Variants in VPS13A observed in about 807,000 individuals in gnomAD.
VPS13A encodes vacuolar protein sorting 13 homolog A.
A neutral mutation model predicts 390.9 loss-of-function variants in VPS13A; 264 were observed. The observed-to-expected ratio is 0.68, with a 90% CI of 0.61 to 0.75. VPS13A has a LOEUF of 0.75. VPS13A is among the 30% of genes least tolerant of loss of function. VPS13A has a pLI of 0.00. For missense variants in VPS13A, 3,409 were observed against 3,733.9 expected, an observed-to-expected ratio of 0.91 and a Z score of 2.27; for synonymous variants, 1,231 against 1,227.1, an observed-to-expected ratio of 1.00 and a Z score of -0.07.
At chr9:77,379,942 G>A (rs974352171) in intron 67 of VPS13A, among the ~76,000 whole-genome samples, 5 of 152,024 alleles carry the variant, frequency 3.3e-5, no homozygotes, top group Non-Finnish European at 7.4e-5. Context: ...TTTGAAAGTA[G>A]GTTGCTGAAA....
chr9:77,356,260 A>G (rs1450830061), intron 54 of VPS13A, among the ~76,000 whole-genome samples: 1 of 151,992 alleles, frequency 6.6e-6, no homozygotes, highest in African/African-American at 2.4e-5. Context: ...TAATTCTCTC[A>G]GCTCATTTAA....
At chr9:77,352,499 A>T (rs1420973217) in intron 53 of VPS13A, among the ~76,000 whole-genome samples, 1 of 152,138 alleles carries the variant, frequency 6.6e-6, no homozygotes, top group African/African-American at 2.4e-5. Flanking sequence ...TATTAGATTT[A>T]TTCAGGAAAA....
chr9:77,199,085 C>T (rs777619684), intron 1 of VPS13A, among the ~76,000 whole-genome samples: 3 of 152,164 alleles, frequency 2.0e-5, no homozygotes, highest in Non-Finnish European at 4.4e-5. Flanking sequence ...TAATTACTTT[C>T]TATGTGTCTT....
At chr9:77,344,737 C>A (rs930338884) in intron 51 of VPS13A, among the ~76,000 whole-genome samples, 4 of 149,342 alleles carry the variant, frequency 2.7e-5, no homozygotes, top group African/African-American at 9.9e-5. Context: ...CCAGCCTAGG[C>A]GACAGAGCAA....
In VPS13A at chr9:77,403,793, C is replaced by G. The variant is rs1013932983; in HGVS notation, c.9275+472C>G. On this transcript the variant is annotated intron_variant, in intron 69 of 71. Transcript: ENST00000360280. ...CAGTGGAGGGGTACATGTAAAAATA[C>G]ACAGGGGCATAGCCTCAGAGGGGCA... Among the ~76,000 whole-genome samples, 7 of 152,158 alleles carry G rather than the reference C, an allele frequency of 4.6e-5. No homozygotes were observed. The East Asian group carries it at 1.3e-3, about 29-fold the overall frequency.
At chr9:77,352,791 G>GT (rs1831542835) in intron 53 of VPS13A, among the ~76,000 whole-genome samples, 1 of 151,928 alleles carries the variant, frequency 6.6e-6, no homozygotes, top group Non-Finnish European at 1.5e-5. Flanking sequence ...ATATTGCAAC[G>GT]TGAAGGTATA....
At chr9:77,228,397 G>GTTT in intron 17 of VPS13A, 133 bp downstream of exon 17, 1 of 764,780 alleles carries the variant, frequency 1.3e-6, no homozygotes, top group Non-Finnish European at 1.9e-6. Flanking sequence ...CAGGAAAAAG[G>GTTT]TTTTTTTTTT....
At chr9:77,359,194 T>C in intron 57 of VPS13A, 139 bp from the exon 58 acceptor site, 1 of 710,562 alleles carries the variant, frequency 1.4e-6, no homozygotes, top group Non-Finnish European at 2.5e-6. Flanking sequence ...TTGTAGTAGA[T>C]TTTGCCAATA....
intron 23 of VPS13A, among the ~76,000 whole-genome samples, chr9:77,267,411 A>G (rs560186407): frequency 6.6e-6 from 1 of 152,170 alleles, no homozygotes; most frequent in African/African-American, 2.4e-5. Flanking sequence ...TTTCCTTCTA[A>G]CAGTCAGACC....
In VPS13A at chr9:77,221,320, TAAG is replaced by T. The variant is rs768231566; in HGVS notation, c.1129_1131del (p.Lys377del). 1.2e-6 allele frequency: 2 copies of T among 1,613,218 alleles called. No homozygotes were observed. The highest frequency in any genetic ancestry group is 3.3e-5 in the Admixed American group (2 of 59,950). On this transcript the variant is annotated inframe_deletion, in exon 13 of 72. Transcript: ENST00000360280. ...AACTGTATAAAAAAAAGTTAACAAGTAAGAAGCCACCTGGTGAACTTCTCGTGT... is the reference window on the plus strand; with the variant it reads ...AACTGTATAAAAAAAAGTTAACAAGTAAGCCACCTGGTGAACTTCTCGTGT...
rs1051131775 is a variant in VPS13A at position 77,418,478 on chromosome 9, A to G, written c.*2472A>G. 1 of 152,210 alleles carries G rather than the reference A, an allele frequency of 6.6e-6. No individual in the cohort carries two copies. Among genetic ancestry groups the G allele is most frequent in the East Asian group, 1.9e-4 (1 of 5,204 alleles). The allele number at this position is 152,210 out of a possible 1,614,324, so 9.4% of individuals were successfully genotyped here. A position where few individuals can be genotyped will look rare whatever the true frequency, so the allele number is the denominator to read the frequency against. ...CAAAAGCAGCTTGTGATTTCTTCAC[A>G]TTTGCAAAATACTCTCTGAGCCAAA... On this transcript the variant is annotated 3_prime_UTR_variant, in exon 72 of 72. Coordinates refer to ENST00000360280, the MANE Select transcript of VPS13A (RefSeq NM_033305.3).
At chr9:77,309,957 A>T (rs1828976910) in intron 35 of VPS13A, among the ~76,000 whole-genome samples, 1 of 152,154 alleles carries the variant, frequency 6.6e-6, no homozygotes, top group Admixed American at 6.5e-5. Flanking sequence ...ATTTATCATC[A>T]ATAAAACATG....
At position 77,250,125 on chromosome 9, in the gene VPS13A, C is replaced by T. The variant is rs752693440; in HGVS notation, c.2066C>T (p.Pro689Leu). 5 of 1,613,514 alleles carry T rather than the reference C, an allele frequency of 3.1e-6. No homozygotes were observed. The highest frequency in any genetic ancestry group is 1.1e-5 in the South Asian group (1 of 91,056). ...KVTSKSRSEL[P>L]DVKQGEANLK... ...ACGAGTAAAAGTCGTTCTGAATTAC[C>T]AGATGTGAAACAAGGTGAGGCCAAT... Residue 689 changes from proline to leucine, a missense_variant, in exon 21 of 72, where the codon CCA (proline) becomes CTA (leucine). Transcript: ENST00000360280.
At chr9:77,297,954 AAGT>A (rs1450131154) in intron 33 of VPS13A, among the ~76,000 whole-genome samples, 1 of 152,190 alleles carries the variant, frequency 6.6e-6, no homozygotes, top group African/African-American at 2.4e-5. Flanking sequence ...TAAGGGAGTG[AAGT>A]AGTGGAGAGC....
intron 67 of VPS13A, among the ~76,000 whole-genome samples, chr9:77,371,766 C>T (rs1275420050): frequency 1.3e-5 from 2 of 148,226 alleles, no homozygotes; most frequent in African/African-American, 5.0e-5. Context: ...ACTAACTCGT[C>T]ATCTAGCATT....
chr9:77,302,487 C>T (rs1022607432), intron 33 of VPS13A, among the ~76,000 whole-genome samples: 2 of 151,018 alleles, frequency 1.3e-5, no homozygotes, highest in Non-Finnish European at 2.9e-5. Context: ...ATTCTCCCAC[C>T]TCAGCCTCCT....
chr9:77,339,757 C>A lies in VPS13A; in HGVS notation c.6620C>A (p.Thr2207Lys). ...CATATGACTTACAATACTGGTCAGACAGTTGTGGCATTTCATAGTCCTTAT... is the reference window on the plus strand; with the variant it reads ...CATATGACTTACAATACTGGTCAGAAAGTTGTGGCATTTCATAGTCCTTAT... ...AVHMTYNTGQ[T>K]VVAFHSPYWM... The change falls in exon 48 of 72, where the codon ACA becomes AAA. Residue 2207 changes from threonine (T) to lysine (K), a missense_variant. Thr to Lys is a moderately conservative substitution (Grantham distance 78). Around this residue, in one of 5 missense-constraint regions of VPS13A, gnomAD observed 2,717 missense variants for 2,917.4 expected, o/e 0.93. Coordinates refer to ENST00000360280, the MANE Select transcript of VPS13A (RefSeq NM_033305.3). 1 of 1,614,054 alleles carries A rather than the reference C, an allele frequency of 6.2e-7. No individual in the cohort carries two copies.
intron 50 of VPS13A, among the ~76,000 whole-genome samples, chr9:77,341,378 A>C (rs1442336463): frequency 6.6e-6 from 1 of 152,166 alleles, no homozygotes; most frequent in African/African-American, 2.4e-5. Context: ...GGCTGCCTTC[A>C]GTCTTCTCTT....
rs750826073 is a variant in VPS13A at position 77,220,401 on chromosome 9, T to A, written c.989+18T>A. ...AGAGAATGGTAAATGCCTTGATTTT[T>A]TTTTTTTTTTAGATTTTAAAAATAC... On this transcript the variant is annotated intron_variant, in intron 12 of 71. Transcript: ENST00000360280. 1 of 1,538,862 alleles carries A rather than the reference T, an allele frequency of 6.5e-7. No individual in the cohort carries two copies. Among genetic ancestry groups the A allele is most frequent in the East Asian group, 2.3e-5 (1 of 43,502 alleles).
Sources: gnomAD v4.1 joint callset for allele counts (sites outside exome capture counted in the v4.1 genomes callset) on GRCh38, gnomAD v4.1.1 for gene constraint, gnomAD v4.1.1 regional missense constraint, MANE v1.5 for transcripts, NCBI Gene and HGNC (gene_info 2026-07-23, HGNC 2026-07-21) for gene names.